The following PLEKHG5 variants were observed in gnomAD, a reference collection of about 807,000 sequenced individuals.
PLEKHG5 encodes the protein pleckstrin homology domain-containing family G member 5.
In PLEKHG5, 52 loss-of-function variants were observed where a neutral mutation model predicts 103.8. The observed-to-expected ratio is 0.50, with a 90% CI of 0.40 to 0.63. The LOEUF is 0.63. Ranked by LOEUF, PLEKHG5 falls within the 30% of genes least tolerant of loss-of-function variation. PLEKHG5 has a pLI of 0.00. For missense variants in PLEKHG5, 1,205 were observed against 1,347.6 expected (o/e 0.89, Z 1.66); for synonymous variants, 592 against 575.5 (o/e 1.03, Z -0.41).
chr1:6,481,720 C>T (rs1477267527), intron 1 of PLEKHG5, among the ~76,000 whole-genome samples: 3 of 148,180 alleles, frequency 2.0e-5, no homozygotes, highest in African/African-American at 7.5e-5. Flanking sequence ...AAAACTTAGC[C>T]GGGCATGGTG....
upstream of PLEKHG5, chr1:6,497,195 G>T (rs1645239562): frequency 2.3e-6 from 2 of 857,450 alleles, no homozygotes; most frequent in African/African-American, 1.7e-5. This position sits in a 1 kb window ranked among gnomAD's most constrained non-coding sequence, Gnocchi z 6.1. Flanking sequence ...TTGGGTACGA[G>T]CGGCCCGAAG....
rs768676402 is a variant in PLEKHG5 at position 6,474,490 on chromosome 1, C to T, written c.400G>A (p.Glu134Lys). ...TAGTGTCCCCCGAACCTGTAGGCCT[C>T]GAAGGTGAGGGACAGGGGTGTGTTG... ...QSNTPLSLTF[E>K]AYRFGGHYLR... Residue 134 changes from glutamate to lysine, a missense_variant, in exon 6 of 21, where the codon GAG becomes AAG. Glu to Lys is a moderately conservative substitution (Grantham distance 56, BLOSUM62 1). Coordinates refer to ENST00000377728, the MANE Select transcript of PLEKHG5 (RefSeq NM_020631.6). 9.3e-6 allele frequency: 15 copies of T among 1,613,828 alleles called. No individual in the cohort carries two copies. Among genetic ancestry groups the T allele is most frequent in the South Asian group, 4.4e-5 (4 of 91,080 alleles).
chr1:6,472,471 G>C (rs1204144042), intron 10 of PLEKHG5, 56 bp downstream of exon 10: 1 of 1,201,586 alleles, frequency 8.3e-7, no homozygotes, highest in Non-Finnish European at 1.2e-6. Context: ...TCAGCTGAGG[G>C]CTGTCAGAAA....
Position 6,473,243 on chromosome 1 carries a change from C to T in PLEKHG5, c.795+8G>A, listed in dbSNP as rs114275646. 3,195 of 1,612,220 alleles carry T rather than the reference C, an allele frequency of 2.0e-3. 61 individuals carry two copies. In the African/African-American group the frequency reaches 0.037, roughly 19 times the overall value. ...GCTGCCTGACCCTGGGCAGATGGGG[C>T]CACATACCCGGCCAAAGGCGCTGGT... On this transcript the variant is annotated splice_region_variant and intron_variant, in intron 8 of 20. Coordinates refer to ENST00000377728, the MANE Select transcript of PLEKHG5 (RefSeq NM_020631.6).
At chr1:6,475,361 G>T in intron 4 of PLEKHG5, 101 bp downstream of exon 4, 1 of 1,035,798 alleles carries the variant, frequency 9.7e-7, no homozygotes, top group Non-Finnish European at 1.5e-6. Context: ...TGCACCCTGG[G>T]ATGCAGACCT....
intron 1 of PLEKHG5, among the ~76,000 whole-genome samples, chr1:6,479,382 G>A (rs1296837126): frequency 6.7e-6 from 1 of 149,134 alleles, no homozygotes; most frequent in Non-Finnish European, 1.5e-5. Context: ...CGCCTCCTCG[G>A]TTCACACCAT....
chr1:6,475,381 C>T (rs778074028), intron 4 of PLEKHG5, 81 bp downstream of exon 4: 6 of 1,233,964 alleles, frequency 4.9e-6, no homozygotes, highest in South Asian at 2.4e-5. Context: ...TCCCCACCCC[C>T]ATCCCGGAGG....
chr1:6,498,392 G>A (rs1645257558), upstream of PLEKHG5, among the ~76,000 whole-genome samples: 1 of 152,196 alleles, frequency 6.6e-6, no homozygotes, highest in Admixed American at 6.5e-5. Flanking sequence ...CAGGTGACCA[G>A]AAACTGGTGC....
rs1297083613 is a variant in PLEKHG5 at position 6,471,502 on chromosome 1, T to C, written c.1267A>G (p.Lys423Glu). ...CCCGCCCGTACCATCTTGAAGCCTT[T>C]GAGGAAGTCCCCGGGCTGTAGCAGC... is the stretch of plus-strand genomic sequence containing the variant. ...RALLQPGDFL[K>E]GFKMFGSLFK... The change falls in exon 12 of 21, where the codon AAA becomes GAA. Residue 423 changes from lysine to glutamate, a missense_variant. Physicochemically the swap from Lys to Glu is moderately conservative, Grantham distance 56. Transcript: ENST00000377728. The C allele has an allele frequency of 3.1e-6, 5 of 1,610,582 alleles. No homozygotes were observed. Among genetic ancestry groups the C allele is most frequent in the Non-Finnish European group, 4.2e-6 (5 of 1,179,110 alleles).
At chr1:6,492,401 C>T (rs1472848281), upstream of PLEKHG5, among the ~76,000 whole-genome samples, 1 of 152,154 alleles carries the variant, frequency 6.6e-6, no homozygotes, top group Non-Finnish European at 1.5e-5. Context: ...TGTCCCGTGG[C>T]CACCTCACAG....
chr1:6,516,180 A>G (rs1215778079), intron 1 of PLEKHG5, among the ~76,000 whole-genome samples: 1 of 152,146 alleles, frequency 6.6e-6, no homozygotes, highest in African/African-American at 2.4e-5. Flanking sequence ...CCAGCTATTC[A>G]GGAGGCTGAG....
intron 1 of PLEKHG5, among the ~76,000 whole-genome samples, chr1:6,513,539 A>G (rs909603416): frequency 3.9e-5 from 6 of 152,250 alleles, no homozygotes; most frequent in Non-Finnish European, 8.8e-5. Flanking sequence ...CGGCCAAGCC[A>G]GCACAGCTAC....
intron 1 of PLEKHG5, chr1:6,519,321 A>T: frequency 1.2e-6 from 1 of 806,236 alleles, no homozygotes; most frequent in Non-Finnish European, 2.2e-6. Flanking sequence ...AGTGGCTCTT[A>T]AACCGTCCGG....
chr1:6,477,071 G>T (rs550395907), intron 2 of PLEKHG5, among the ~76,000 whole-genome samples: 210 of 152,260 alleles, frequency 1.4e-3, no homozygotes, highest in African/African-American at 4.3e-3. Context: ...GCAGTTGATG[G>T]TGGGCCTGAG....
At chr1:6,496,834 C>A, upstream of PLEKHG5, 1 of 607,706 alleles carries the variant, frequency 1.6e-6, no homozygotes, top group Non-Finnish European at 2.7e-6. Context: ...CCCTCTGTCC[C>A]TCTAGTCTGG....
At chr1:6,506,903 C>T (rs957263348) in intron 1 of PLEKHG5, among the ~76,000 whole-genome samples, 1 of 151,816 alleles carries the variant, frequency 6.6e-6, no homozygotes, top group Non-Finnish European at 1.5e-5. Context: ...CCAATGGCAG[C>T]GCAGGCATAG....
At chr1:6,475,194 G>GCCCTCCTCCCCACCCTCCTCCCCA in intron 4 of PLEKHG5, 56 bp from the exon 5 acceptor site, 1 of 648,288 alleles carries the variant, frequency 1.5e-6, no homozygotes, top group South Asian at 1.6e-5. Flanking sequence ...CCTCATTCCC[G>GCCCTCCTCCCCACCCTCCTCCCCA]CCCTCCTCCC....
intron 1 of PLEKHG5, among the ~76,000 whole-genome samples, chr1:6,481,179 AGAG>A (rs1214553674): frequency 2.6e-5 from 4 of 152,200 alleles, no homozygotes; most frequent in Non-Finnish European, 5.9e-5. Context: ...CCCTGTTCAA[AGAG>A]GAGTCCCACT....
chr1:6,516,464 C>T (rs1638616146), intron 1 of PLEKHG5, among the ~76,000 whole-genome samples: 1 of 152,024 alleles, frequency 6.6e-6, no homozygotes, highest in Non-Finnish European at 1.5e-5. Flanking sequence ...CCAGACTAGC[C>T]TGGCCAACAT....
Sources: allele counts gnomAD v4.1 joint callset (sites outside exome capture counted in the v4.1 genomes callset), GRCh38; gene constraint gnomAD v4.1.1; non-coding constraint Gnocchi (gnomAD v3.1); transcripts MANE v1.5; gene names NCBI Gene and HGNC (gene_info 2026-07-23, HGNC 2026-07-21).